The following AGMO variants were observed in gnomAD, a reference collection of about 807,000 sequenced individuals.
AGMO encodes alkylglycerol monooxygenase, also known as glyceryl-ether monooxygenase.
In AGMO, 75 loss-of-function variants were observed where a neutral mutation model predicts 60.2. The observed-to-expected ratio is 1.25, with a 90% CI of 1.03 to 1.51. AGMO has a LOEUF of 1.51. Among genes scored for constraint, AGMO ranks in the 40% most tolerant of loss-of-function variants. The pLI is 0.00. For synonymous variants in AGMO, 261 were observed against 177.1 expected (o/e 1.47, Z -3.76); for missense variants, 763 against 525.5 (o/e 1.45, Z -4.42).
At chr7:15,544,622 C>A (rs1346891652) in intron 3 of AGMO, 150 bp downstream of exon 3, 19 of 664,862 alleles carry the variant, frequency 2.9e-5, no homozygotes, top group Non-Finnish European at 3.9e-5. Context: ...ACTTAAATTG[C>A]AAAGTAAACC....
chr7:15,469,801 G>T (rs899951358), intron 3 of AGMO, among the ~76,000 whole-genome samples: 1 of 152,088 alleles, frequency 6.6e-6, no homozygotes, highest in Non-Finnish European at 1.5e-5. Flanking sequence ...AATTTTGAAG[G>T]GGCTAGGAGA....
At chr7:15,369,746 T>C (rs897719313) in intron 10 of AGMO, among the ~76,000 whole-genome samples, 1 of 152,168 alleles carries the variant, frequency 6.6e-6, no homozygotes, top group Non-Finnish European at 1.5e-5. Flanking sequence ...AAAGTTTTTA[T>C]CTCTTCATTC....
At chr7:15,546,204 T>G (rs1784779316) in intron 2 of AGMO, among the ~76,000 whole-genome samples, 1 of 152,206 alleles carries the variant, frequency 6.6e-6, no homozygotes, top group Non-Finnish European at 1.5e-5. Context: ...TATTATTATT[T>G]AATCTGTAAA....
At chr7:15,379,268 C>T (rs1042363494) in intron 10 of AGMO, among the ~76,000 whole-genome samples, 1 of 151,976 alleles carries the variant, frequency 6.6e-6, no homozygotes, top group Non-Finnish European at 1.5e-5. Flanking sequence ...ACCAAAATCA[C>T]AGCTGAAGCA....
rs562023755 is a variant in AGMO, at chr7:15,535,273, T to C, written c.409+9499A>G. Among the ~76,000 whole-genome samples the C allele has an allele frequency of 2.6e-5, 4 of 152,052 alleles. No homozygotes were observed. The East Asian group carries it at 7.7e-4, about 29-fold the overall frequency. ...GTGCTTTTTTCTGCAATTTATTTCTTAGACATAAGCTTTGGAATAAGAAAA... is the reference window on the plus strand; with the variant it reads ...GTGCTTTTTTCTGCAATTTATTTCTCAGACATAAGCTTTGGAATAAGAAAA... On this transcript the variant is annotated intron_variant, in intron 3 of 12. Coordinates refer to ENST00000342526, the MANE Select transcript of AGMO (RefSeq NM_001004320.2).
At chr7:15,334,686 G>A (rs1781598666) in intron 12 of AGMO, among the ~76,000 whole-genome samples, 1 of 152,106 alleles carries the variant, frequency 6.6e-6, no homozygotes, top group Admixed American at 6.6e-5. Context: ...AACCATTATT[G>A]AAAGCCTTAC....
At chr7:15,394,870 T>C (rs1402738385) in intron 5 of AGMO, among the ~76,000 whole-genome samples, 1 of 152,302 alleles carries the variant, frequency 6.6e-6, no homozygotes, top group Admixed American at 6.5e-5. Flanking sequence ...CGAAGTCAAA[T>C]ATATAAAAAG....
intron 10 of AGMO, among the ~76,000 whole-genome samples, chr7:15,381,180 G>A (rs1037585418): frequency 6.6e-6 from 1 of 152,028 alleles, no homozygotes; most frequent in African/African-American, 2.4e-5. Context: ...TTAACAAATG[G>A]GATCTAATTA....
intron 3 of AGMO, among the ~76,000 whole-genome samples, chr7:15,506,196 A>T (rs1783508425): frequency 6.6e-6 from 1 of 152,084 alleles, no homozygotes; most frequent in African/African-American, 2.4e-5. Flanking sequence ...ACACTGAGTA[A>T]AGTTTTCATA....
At chr7:15,521,826 T>C (rs961820204) in intron 3 of AGMO, among the ~76,000 whole-genome samples, 3 of 152,098 alleles carry the variant, frequency 2.0e-5, no homozygotes, top group African/African-American at 4.8e-5. Flanking sequence ...CTATTCAACA[T>C]AGAAATGGAA....
chr7:15,447,942 TG>T (rs1398233137), intron 3 of AGMO, among the ~76,000 whole-genome samples: 4 of 152,230 alleles, frequency 2.6e-5, no homozygotes, highest in East Asian at 1.9e-4. Context: ...AGAAACAGAA[TG>T]GGGGGTTTTG....
At chr7:15,121,645 A>C in the AGMO span, among the ~76,000 whole-genome samples, 1 of 152,144 alleles carries the variant, frequency 6.6e-6, no homozygotes, top group Admixed American at 6.6e-5. Flanking sequence ...CTAAAAGAAC[A>C]AAGCTGGAGG....
At chr7:15,127,668 T>G in the AGMO span, among the ~76,000 whole-genome samples, 3 of 152,140 alleles carry the variant, frequency 2.0e-5, no homozygotes, top group Non-Finnish European at 4.4e-5. Context: ...GTAGAATTAT[T>G]GCTAAGAATA....
intron 3 of AGMO, among the ~76,000 whole-genome samples, chr7:15,480,717 C>A (rs1490030741): frequency 6.6e-6 from 1 of 152,032 alleles, no homozygotes; most frequent in Non-Finnish European, 1.5e-5. Context: ...TAGTTTGGAT[C>A]TTATAGTCTT....
At chr7:15,332,168 C>T (rs1391753207) in intron 12 of AGMO, among the ~76,000 whole-genome samples, 1 of 152,060 alleles carries the variant, frequency 6.6e-6, no homozygotes, top group East Asian at 1.9e-4. Context: ...AACTTACAAT[C>T]GTGTTAAGCC....
intron 3 of AGMO, among the ~76,000 whole-genome samples, chr7:15,510,895 G>A (rs1300256650): frequency 4.7e-5 from 7 of 147,594 alleles, no homozygotes; most frequent in Non-Finnish European, 1.0e-4. Flanking sequence ...TATAATATAT[G>A]TTTATGTATA....
At chr7:15,437,692 G>A (rs1470583425) in intron 3 of AGMO, among the ~76,000 whole-genome samples, 11 of 151,990 alleles carry the variant, frequency 7.2e-5, no homozygotes, top group Admixed American at 4.6e-4. Flanking sequence ...CCGCCACCAC[G>A]CCAGGCTAAT....
chr7:15,228,434 G>C (rs959077937), intron 12 of AGMO, among the ~76,000 whole-genome samples: 4 of 152,124 alleles, frequency 2.6e-5, no homozygotes, highest in Non-Finnish European at 5.9e-5. Flanking sequence ...TGAAGAAAGA[G>C]AGATGTATGG....
chr7:15,459,911 G>C (rs374331616), intron 3 of AGMO, among the ~76,000 whole-genome samples: 7 of 151,966 alleles, frequency 4.6e-5, no homozygotes, highest in South Asian at 2.1e-4. Context: ...TATTTCATTT[G>C]ACTGTATTGA....
Sources: gnomAD v4.1 joint callset for allele counts (sites outside exome capture counted in the v4.1 genomes callset) on GRCh38, gnomAD v4.1.1 for gene constraint, MANE v1.5 for transcripts, NCBI Gene and HGNC (gene_info 2026-07-23, HGNC 2026-07-21) for gene names.